The following TRAF2 variants were observed in gnomAD, a reference collection of about 807,000 sequenced individuals.
TRAF2 encodes TNF receptor associated factor 2.
Under a neutral mutation model 55.6 loss-of-function variants are expected in TRAF2, and 6 were observed. The observed-to-expected ratio is 0.11, with a 90% CI of 0.06 to 0.21. The LOEUF (loss-of-function observed/expected upper bound fraction) is 0.21. TRAF2 is among the 10% of genes least tolerant of loss of function. TRAF2 has a pLI of 1.00. For missense variants in TRAF2, 561 were observed against 684.5 expected, an observed-to-expected ratio of 0.82 and a Z score of 2.01; for synonymous variants, 329 against 276.3, an observed-to-expected ratio of 1.19 and a Z score of -1.89.
chr9:136,912,064 A>G (rs1850123682), intron 6 of TRAF2, among the ~76,000 whole-genome samples: 1 of 150,254 alleles, frequency 6.7e-6, no homozygotes, highest in East Asian at 2.0e-4. Context: ...CGTGTTGACC[A>G]GGATGGTGTC....
At chr9:136,914,385 A>T (rs561577486) in intron 6 of TRAF2, among the ~76,000 whole-genome samples, 1 of 152,218 alleles carries the variant, frequency 6.6e-6, no homozygotes, top group East Asian at 1.9e-4. Context: ...CTGTGGTGGA[A>T]ATTTCTGAGC....
intron 4 of TRAF2, among the ~76,000 whole-genome samples, chr9:136,901,111 G>GAGCCGTGTGCTGGGCC (rs1849810459): frequency 6.6e-6 from 1 of 152,214 alleles, no homozygotes; most frequent in African/African-American, 2.4e-5. Context: ...TGTGCTGGGC[G>GAGCCGTGTGCTGGGCC]AGCCGTGCAC....
At chr9:136,901,759 C>T (rs1849825070) in intron 4 of TRAF2, among the ~76,000 whole-genome samples, 1 of 152,192 alleles carries the variant, frequency 6.6e-6, no homozygotes, top group Non-Finnish European at 1.5e-5. Context: ...GCTGGGATCT[C>T]CTGCTCAGCC....
intron 6 of TRAF2, among the ~76,000 whole-genome samples, chr9:136,914,834 C>T (rs541039713): frequency 6.6e-6 from 1 of 152,098 alleles, no homozygotes; most frequent in Admixed American, 6.5e-5. Context: ...TCTCAGTATT[C>T]CACGGAGGCC....
chr9:136,884,324 C>T (rs977539151), upstream of TRAF2, among the ~76,000 whole-genome samples: 16 of 151,616 alleles, frequency 1.1e-4, no homozygotes, highest in Non-Finnish European at 1.8e-4. Context: ...TTTGGGAGGC[C>T]GAGGCAGGCA....
At chr9:136,902,255 C>T (rs991939443) in intron 4 of TRAF2, 3 of 152,416 alleles carry the variant, frequency 2.0e-5, no homozygotes, top group Non-Finnish European at 2.9e-5. Context: ...CCAGTGCTGT[C>T]TGCAAGGGAG....
At chr9:136,906,061 G>A (rs17243956) in intron 4 of TRAF2, among the ~76,000 whole-genome samples, 101 of 152,280 alleles carry the variant, frequency 6.6e-4, no homozygotes, top group African/African-American at 2.3e-3. Context: ...GCAGTGAGCC[G>A]AGATCGCGCC....
At position 136,899,614 on chromosome 9, in the gene TRAF2, C is replaced by T. The variant is rs745640156; in HGVS notation, c.209C>T (p.Ala70Val). Residue 70 changes from alanine (A) to valine (V), a missense_variant, in exon 3 of 11, where the codon GCT (alanine) becomes GTT (valine). Coordinates refer to ENST00000247668, the MANE Select transcript of TRAF2 (RefSeq NM_021138.4). The part of the protein sequence containing the change: ...SILSSGPQNC[A>V]ACVHEGIYEE... ...ACTAGCTCTGGGCCTCAGAACTGTG[C>T]TGCCTGTGTTCACGAGGGCATATAT... The T allele has an allele frequency of 6.8e-6, 11 of 1,613,112 alleles. No individual in the cohort carries two copies. Among genetic ancestry groups the T allele is most frequent in the Non-Finnish European group, 9.3e-6 (11 of 1,179,338 alleles).
chr9:136,914,182 T>G (rs999532395), intron 6 of TRAF2, among the ~76,000 whole-genome samples: 1 of 152,142 alleles, frequency 6.6e-6, no homozygotes, highest in Non-Finnish European at 1.5e-5. Context: ...ATGAGGAAAT[T>G]GAGGTTTACA....
intron 6 of TRAF2, among the ~76,000 whole-genome samples, chr9:136,915,393 CTG>C (rs1022039285): frequency 3.9e-5 from 6 of 152,016 alleles, no homozygotes; most frequent in African/African-American, 1.5e-4. Flanking sequence ...GGACGTGCCA[CTG>C]TGATGTGTGA....
At position 136,920,494 on chromosome 9, in the gene TRAF2, G is replaced by A. The variant is rs1051046241; in HGVS notation, c.939G>A (p.Lys313=). The A allele has an allele frequency of 8.7e-6, 14 of 1,612,310 alleles. No homozygotes were observed. Among genetic ancestry groups the A allele is most frequent in the Non-Finnish European group, 1.1e-5 (13 of 1,179,194 alleles). The change falls in exon 8 of 11, where the codon AAG becomes AAA. Residue 313 remains lysine, a synonymous_variant. Transcript: ENST00000247668. ...CSRQHRLDQD[K]IEALSSKVQQ... Reference sequence around the variant, plus strand: ...GGCAGCACCGGCTGGACCAAGACAAGATTGAAGCCCTGAGTAGCAAGGTTT... The same window carrying A: ...GGCAGCACCGGCTGGACCAAGACAAAATTGAAGCCCTGAGTAGCAAGGTTT...
intron 1 of TRAF2, among the ~76,000 whole-genome samples, chr9:136,896,227 C>T (rs1439420243): frequency 6.6e-6 from 1 of 152,242 alleles, no homozygotes; most frequent in African/African-American, 2.4e-5. Flanking sequence ...GGGGACAGAG[C>T]ATACTTAGAG....
At chr9:136,896,544 G>C (rs1310945964) in intron 1 of TRAF2, among the ~76,000 whole-genome samples, 4 of 152,208 alleles carry the variant, frequency 2.6e-5, no homozygotes, top group Non-Finnish European at 5.9e-5. Context: ...GGGCCAGCAC[G>C]TGTGAACAAT....
chr9:136,920,539 C>T (rs762013145), intron 8 of TRAF2, 24 bp downstream of exon 8: 97 of 1,593,200 alleles, frequency 6.1e-5, no homozygotes, highest in Non-Finnish European at 7.5e-5. Context: ...GGGTGGCCAG[C>T]CATGAGGAGG....
Position 136,926,137 on chromosome 9 carries a change from G to A in TRAF2, c.*236G>A, listed in dbSNP as rs774028079. On this transcript the variant is annotated 3_prime_UTR_variant, in exon 11 of 11. Transcript: ENST00000247668. ...CAGACGGTCTTAGCCAAGGGCTGTG[G>A]TGGCATTGGCCGAGGGTCTTCGGGT... The A allele has an allele frequency of 9.8e-6, 7 of 717,022 alleles. No individual in the cohort carries two copies. The African/African-American group carries it at 1.2e-4, about 12-fold the overall frequency. The allele number at this position is 717,022 out of a possible 1,614,324, so 44.4% of individuals were successfully genotyped here.
chr9:136,921,006 G>A (rs757237429), intron 8 of TRAF2, 32 bp from the exon 9 acceptor site: 4 of 1,610,758 alleles, frequency 2.5e-6, no homozygotes, highest in Admixed American at 3.3e-5. Context: ...CACCCCTCCT[G>A]TAAGAGGGAA....
In TRAF2 at chr9:136,909,912, T is replaced by C. The variant is rs775791564; in HGVS notation, c.529-8T>C. The C allele has an allele frequency of 6.2e-7, 1 of 1,614,118 alleles. No individual in the cohort carries two copies. The highest frequency in any genetic ancestry group is 2.2e-5 in the East Asian group (1 of 44,890). ...CCACCCTCACACTCCTGATCCCTTC[T>C]TTTGAAGGCGCACCACGAGGTCTGC... On this transcript the variant is annotated splice_polypyrimidine_tract_variant and splice_region_variant and intron_variant, in intron 5 of 10. Transcript: ENST00000247668.
intron 3 of TRAF2, among the ~76,000 whole-genome samples, chr9:136,900,127 C>G (rs1301558245): frequency 1.3e-5 from 2 of 150,242 alleles, no homozygotes; most frequent in Non-Finnish European, 2.9e-5. Context: ...AGATCGCATG[C>G]CACTGCACTC....
chr9:136,895,581 A>G (rs1244243283), intron 1 of TRAF2, among the ~76,000 whole-genome samples: 3 of 152,176 alleles, frequency 2.0e-5, no homozygotes, highest in Non-Finnish European at 4.4e-5. Flanking sequence ...TGGGCCAGGC[A>G]CGGTGGCTCC....
Sources: allele counts gnomAD v4.1 joint callset (sites outside exome capture counted in the v4.1 genomes callset), GRCh38; gene constraint gnomAD v4.1.1; transcripts MANE v1.5; gene names NCBI Gene and HGNC (gene_info 2026-07-23, HGNC 2026-07-21).